PCDHA7: variants seen among roughly 807,000 people sequenced by gnomAD.
The protein encoded by PCDHA7 is protocadherin alpha-7.
Under a neutral mutation model 57.2 loss-of-function variants are expected in PCDHA7, and 37 were observed. The observed-to-expected ratio is 0.65, with a 90% CI of 0.50 to 0.85. The LOEUF is 0.85. Ranked by LOEUF, PCDHA7 falls within the 40% of genes least tolerant of loss-of-function variation. The pLI is 0.00. For synonymous variants in PCDHA7, 553 were observed against 558.8 expected, an observed-to-expected ratio of 0.99 and a Z score of 0.15; for missense variants, 1,188 against 1,241.8, an observed-to-expected ratio of 0.96 and a Z score of 0.65.
intron 1 of PCDHA7, chr5:140,862,697 T>C (rs2047497328): frequency 1.8e-6 from 1 of 556,706 alleles, no homozygotes; most frequent in East Asian, 5.0e-5. Context: ...TACTCGTTGA[T>C]GGAACAGCGG....
chr5:140,924,712 T>C (rs1481544117), intron 1 of PCDHA7, among the ~76,000 whole-genome samples: 1 of 151,870 alleles, frequency 6.6e-6, no homozygotes, highest in African/African-American at 2.4e-5. Context: ...TTGTGCAACA[T>C]GGCGAAACCT....
At chr5:140,999,400 A>G (rs1331954466) in intron 3 of PCDHA7, among the ~76,000 whole-genome samples, 2 of 152,150 alleles carry the variant, frequency 1.3e-5, no homozygotes, top group Admixed American at 6.5e-5. Flanking sequence ...TGTTTTGCAT[A>G]TGAAAGAATG....
Position 140,871,393 on chromosome 5 carries a change from C to G in PCDHA7, c.2355+34655C>G, listed in dbSNP as rs782354799. The G allele has an allele frequency of 6.2e-6, 10 of 1,614,130 alleles. No individual in the cohort carries two copies. The East Asian group carries it at 2.2e-4, about 36-fold the overall frequency. ...GAGGGTGTGCTCTGAGGAGGGCCCA[C>G]CTAAGACGGACCTCATGGCCTTCAG... On this transcript the variant is annotated intron_variant, in intron 1 of 3. Transcript: ENST00000525929.
At chr5:140,882,252 G>A in intron 1 of PCDHA7, 1 of 1,597,600 alleles carries the variant, frequency 6.3e-7, no homozygotes, top group Non-Finnish European at 8.5e-7. Context: ...ATAGCTCTGA[G>A]GTTTTTGGAG....
chr5:140,889,424 A>G (rs2062220483), intron 1 of PCDHA7, among the ~76,000 whole-genome samples: 1 of 151,956 alleles, frequency 6.6e-6, no homozygotes, highest in African/African-American at 2.4e-5. Context: ...CGTAGATAAT[A>G]TTTTTTCAGG....
At chr5:140,843,543 G>A (rs2150362370) in intron 1 of PCDHA7, 1 of 1,595,904 alleles carries the variant, frequency 6.3e-7, no homozygotes, top group Non-Finnish European at 8.6e-7. Context: ...ACTCTGGTGT[G>A]CTCCAGTGCG....
chr5:140,843,871 A>G, intron 1 of PCDHA7: 1 of 816,250 alleles, frequency 1.2e-6, no homozygotes, highest in East Asian at 2.7e-5. Context: ...GAATTTTCTC[A>G]GTGGCATAAT....
chr5:140,929,440 CCTT>C, intron 1 of PCDHA7: 2 of 1,448,524 alleles, frequency 1.4e-6, no homozygotes, highest in Non-Finnish European at 1.8e-6. Flanking sequence ...ACTAAACACT[CCTT>C]CTTAGCACTT....
At chr5:141,007,660 T>C (rs1392469115) in intron 3 of PCDHA7, among the ~76,000 whole-genome samples, 2 of 152,074 alleles carry the variant, frequency 1.3e-5, no homozygotes, top group Admixed American at 6.5e-5. Flanking sequence ...AAACCATAAA[T>C]TTACAAAGAC....
At chr5:140,905,627 G>A (rs1233983487) in intron 1 of PCDHA7, among the ~76,000 whole-genome samples, 1 of 152,150 alleles carries the variant, frequency 6.6e-6, no homozygotes, top group African/African-American at 2.4e-5. Context: ...GCTTTTGACA[G>A]TATGGTCAGT....
intron 1 of PCDHA7, among the ~76,000 whole-genome samples, chr5:140,901,330 C>T (rs576918477): frequency 6.6e-6 from 1 of 152,108 alleles, no homozygotes; most frequent in African/African-American, 2.4e-5. Flanking sequence ...TTCTTGTAGT[C>T]GTTTTATAGT....
At chr5:140,873,310 G>A (rs2054217209) in intron 1 of PCDHA7, among the ~76,000 whole-genome samples, 1 of 152,176 alleles carries the variant, frequency 6.6e-6, no homozygotes, top group Admixed American at 6.6e-5. Context: ...TAATAAAGGT[G>A]AATATTAGAT....
At chr5:140,863,196 G>T (rs782500346) in intron 1 of PCDHA7, 2 of 874,852 alleles carry the variant, frequency 2.3e-6, no homozygotes, top group Non-Finnish European at 3.6e-6. Context: ...TGGTGGCGTC[G>T]CTGGCGGAGA....
chr5:140,969,123 C>G, intron 1 of PCDHA7: 1 of 1,614,172 alleles, frequency 6.2e-7, no homozygotes, highest in Non-Finnish European at 8.5e-7. Flanking sequence ...GGGAATGGCT[C>G]CCTCACCAAG....
chr5:140,838,085 T>A (rs1166468292), intron 1 of PCDHA7, among the ~76,000 whole-genome samples: 6 of 64,192 alleles, frequency 9.3e-5, no homozygotes, highest in Non-Finnish European at 1.9e-4. Context: ...ATAGTGTGTG[T>A]GTGTGTGTGT....
intron 3 of PCDHA7, among the ~76,000 whole-genome samples, chr5:141,008,075 G>A (rs1002549445): frequency 2.0e-5 from 3 of 152,004 alleles, no homozygotes; most frequent in Non-Finnish European, 1.5e-5. Flanking sequence ...GAACTTATTG[G>A]GGTTATTCTA....
rs145229632 is a variant in PCDHA7 at position 140,928,096 on chromosome 5, C to A, written c.2356-50853C>A. ...CTACTACAGCCTGCTGATTGATGGG[C>A]CCCTGGACCGGGAGCAGATCAGTGA... On this transcript the variant is annotated intron_variant, in intron 1 of 3. Coordinates refer to ENST00000525929, the MANE Select transcript of PCDHA7 (RefSeq NM_018910.3). 3.5e-5 allele frequency: 57 copies of A among 1,614,052 alleles called. No homozygotes were observed. In the African/African-American group the frequency reaches 6.8e-4, roughly 19 times the overall value.
At chr5:140,928,855 C>T (rs781997277) in intron 1 of PCDHA7, 1 of 1,614,184 alleles carries the variant, frequency 6.2e-7, no homozygotes, top group Non-Finnish European at 8.5e-7. Context: ...TCTGGGTGTG[C>T]TGTTGAGCAA....
At chr5:140,987,269 G>A (rs1442679377) in intron 3 of PCDHA7, among the ~76,000 whole-genome samples, 8 of 151,806 alleles carry the variant, frequency 5.3e-5, no homozygotes, top group African/African-American at 9.7e-5. Flanking sequence ...AATGGGACCC[G>A]GCAGTCTATG....
Sources: allele counts gnomAD v4.1 joint callset (sites outside exome capture counted in the v4.1 genomes callset), GRCh38; gene constraint gnomAD v4.1.1; transcripts MANE v1.5; gene names NCBI Gene and HGNC (gene_info 2026-07-23, HGNC 2026-07-21).